RADX: variants seen among roughly 807,000 people sequenced by gnomAD.
The protein encoded by RADX is RPA1 related single stranded DNA binding protein, X-linked.
A neutral mutation model predicts 61.6 loss-of-function variants in RADX; 36 were observed. That is an observed-to-expected ratio of 0.58 (90% CI 0.45 to 0.77). The LOEUF (loss-of-function observed/expected upper bound fraction) is 0.77, where lower values mean the gene tolerates loss of function less well. Among genes scored for constraint, RADX ranks in the 30% least tolerant of loss-of-function variants. The probability of loss-of-function intolerance (pLI) is 0.00; values close to 1 mark genes in which losing one functional copy is unlikely to be tolerated. For missense variants in RADX, 497 were observed against 651.1 expected (o/e 0.76, Z 2.58); for synonymous variants, 272 against 237.9 (o/e 1.14, Z -1.32).
intron 6 of RADX, among the ~76,000 whole-genome samples, chrX:106,633,669 A>G (rs1329058307): frequency 8.9e-6 from 1 of 112,216 alleles, no homozygotes; most frequent in Non-Finnish European, 1.9e-5. Context: ...CTATGTAATT[A>G]CATAATAACA....
At chrX:106,655,546 G>C (rs916811250) in intron 11 of RADX, among the ~76,000 whole-genome samples, 9 of 108,415 alleles carry the variant, frequency 8.3e-5, no homozygotes, top group African/African-American at 3.0e-4. Context: ...CTGTGTCCAA[G>C]TGTTCTCATT....
chrX:106,651,270 A>T (rs1427552293), intron 11 of RADX, among the ~76,000 whole-genome samples: 1 of 111,315 alleles, frequency 9.0e-6, no homozygotes, highest in Non-Finnish European at 1.9e-5. Context: ...AGACGGAAAA[A>T]TTTCCCAAAA....
At chrX:106,631,840 G>GA (rs770908494) in intron 3 of RADX, among the ~76,000 whole-genome samples, 1 of 108,270 alleles carries the variant, frequency 9.2e-6, no homozygotes, top group African/African-American at 3.4e-5. Context: ...AAGAAAGAAA[G>GA]AAAAAAGAAA....
chrX:106,662,602 T>C (rs1365264297), intron 12 of RADX, among the ~76,000 whole-genome samples: 2 of 109,314 alleles, frequency 1.8e-5, no homozygotes, highest in African/African-American at 6.7e-5. Context: ...TGTTCTCCCT[T>C]AGCCACCACT....
chrX:106,661,948 TGCAGTGAATGA>T, intron 11 of RADX, 56 bp from the exon 12 acceptor site: 1 of 969,253 alleles, frequency 1.0e-6, no homozygotes, highest in African/African-American at 1.9e-5. Context: ...GGTTTTTTTT[TGCAGTGAATGA>T]CTTGATTTGA....
chrX:106,671,196 A>G (rs766142555), intron 13 of RADX, among the ~76,000 whole-genome samples: 224 of 111,990 alleles, frequency 2.0e-3, no homozygotes, highest in Non-Finnish European at 2.9e-3. Flanking sequence ...ATACACAAAA[A>G]TGGAATTAGT....
chrX:106,636,392 C>T (rs1275250937), intron 6 of RADX, 151 bp from the exon 7 acceptor site: 3 of 409,599 alleles, frequency 7.3e-6, no homozygotes, highest in Non-Finnish European at 1.3e-5. Context: ...AGGCCCCACC[C>T]TAGACCTACT....
intron 6 of RADX, among the ~76,000 whole-genome samples, chrX:106,633,536 A>C (rs1927290046): frequency 8.9e-6 from 1 of 111,746 alleles, no homozygotes; most frequent in Admixed American, 9.6e-5. Context: ...AAAATCCTTA[A>C]ATTTCAATAA....
At chrX:106,639,481 C>G in intron 8 of RADX, 46 bp from the exon 9 acceptor site, 2 of 1,002,197 alleles carry the variant, frequency 2.0e-6, no homozygotes, top group Non-Finnish European at 2.7e-6. Flanking sequence ...TTATTTTTAT[C>G]ATTTCAGTTC....
intron 10 of RADX, among the ~76,000 whole-genome samples, chrX:106,641,795 G>A (rs1312857558): frequency 9.0e-6 from 1 of 111,359 alleles, no homozygotes; most frequent in Non-Finnish European, 1.9e-5. Context: ...CAAGGAGGTA[G>A]TCTCACTCCC....
In RADX at chrX:106,622,735, A is replaced by G; in HGVS notation, c.728A>G (p.His243Arg). The change falls in exon 2 of 14, where the codon CAT (histidine) becomes CGT (arginine). Residue 243 changes from histidine (H) to arginine (R), a missense_variant. This residue lies in a region of RADX where 196 missense variants were observed against 315.0 expected (regional missense o/e 0.62). Transcript: ENST00000372548. ...CCTGCATTGCTTGTGAGGATCTTACATAAATCAAAACTGCGATACTATGGA... is the reference window on the plus strand; with the variant it reads ...CCTGCATTGCTTGTGAGGATCTTACGTAAATCAAAACTGCGATACTATGGA... ...NFPALLVRILHKSKLRYYGKP... is the reference protein window; with the variant it reads ...NFPALLVRILRKSKLRYYGKP... 9.1e-6 allele frequency: 11 copies of G among 1,202,657 alleles called. No individual in the cohort carries two copies. Among genetic ancestry groups the G allele is most frequent in the South Asian group, 7.3e-5 (4 of 55,051 alleles).
intron 10 of RADX, among the ~76,000 whole-genome samples, chrX:106,645,426 A>T (rs1328235248): frequency 9.0e-6 from 1 of 111,017 alleles, no homozygotes; most frequent in African/African-American, 3.3e-5. Flanking sequence ...CTTTTGCTGT[A>T]TCCCTTAGGT....
intron 1 of RADX, 83 bp downstream of exon 1, chrX:106,612,806 G>T: frequency 1.0e-6 from 1 of 983,791 alleles, no homozygotes; most frequent in Non-Finnish European, 1.4e-6. Flanking sequence ...AAATGAAAAT[G>T]CTTTTGTATT....
intron 13 of RADX, among the ~76,000 whole-genome samples, chrX:106,677,152 G>C (rs1210204629): frequency 8.9e-6 from 1 of 111,853 alleles, no homozygotes; most frequent in Non-Finnish European, 1.9e-5. Flanking sequence ...CCTTGAGGGA[G>C]CTACTGTAAA....
intron 1 of RADX, among the ~76,000 whole-genome samples, chrX:106,620,309 T>C (rs1421721917): frequency 1.8e-5 from 2 of 111,322 alleles, no homozygotes; most frequent in Non-Finnish European, 3.8e-5. Context: ...ATTATACATA[T>C]CAGTTTATTA....
chrX:106,628,810 T>G (rs1238317740), intron 3 of RADX, among the ~76,000 whole-genome samples: 1 of 110,589 alleles, frequency 9.0e-6, no homozygotes, highest in Non-Finnish European at 1.9e-5. Flanking sequence ...ACTTTTTGTA[T>G]TTTTAGTAGA....
chrX:106,655,719 A>G (rs1480926576), intron 11 of RADX, among the ~76,000 whole-genome samples: 1 of 110,902 alleles, frequency 9.0e-6, no homozygotes, highest in Non-Finnish European at 1.9e-5. Flanking sequence ...TATGTGCCAC[A>G]TTTTCTTAAT....
At chrX:106,672,625 C>A (rs893353582) in intron 13 of RADX, among the ~76,000 whole-genome samples, 1 of 111,740 alleles carries the variant, frequency 8.9e-6, no homozygotes, top group African/African-American at 3.3e-5. Flanking sequence ...GCTGTAACCA[C>A]TCCCTGGCTA....
intron 11 of RADX, among the ~76,000 whole-genome samples, chrX:106,657,648 A>G (rs1267560763): frequency 9.0e-6 from 1 of 111,496 alleles, no homozygotes; most frequent in Non-Finnish European, 1.9e-5. Flanking sequence ...CCTAATTTCA[A>G]TATTATTTTG....
Sources: allele counts gnomAD v4.1 joint callset (sites outside exome capture counted in the v4.1 genomes callset), GRCh38; gene constraint gnomAD v4.1.1; regional missense constraint gnomAD v4.1.1; transcripts MANE v1.5; gene names NCBI Gene and HGNC (gene_info 2026-07-23, HGNC 2026-07-21).